POLA1: variants seen among roughly 807,000 people sequenced by gnomAD.
The protein encoded by POLA1 is DNA polymerase alpha catalytic subunit.
In POLA1, 15 loss-of-function variants were observed where a neutral mutation model predicts 124.0. That is an observed-to-expected ratio of 0.12 (90% CI 0.08 to 0.19). POLA1 has a LOEUF of 0.19. Ranked by LOEUF, POLA1 falls within the 10% of genes least tolerant of loss-of-function variation. The pLI is 1.00. For missense variants in POLA1, 886 were observed against 1,103.4 expected, an observed-to-expected ratio of 0.80 and a Z score of 2.79; for synonymous variants, 408 against 389.4, an observed-to-expected ratio of 1.05 and a Z score of -0.56.
intron 34 of POLA1, among the ~76,000 whole-genome samples, chrX:24,880,559 A>T (rs951146044): frequency 8.9e-6 from 1 of 112,144 alleles, no homozygotes; most frequent in Non-Finnish European, 1.9e-5. Context: ...GCAAAATTAT[A>T]TTCCTGTTAA....
intron 35 of POLA1, among the ~76,000 whole-genome samples, chrX:24,917,103 C>G (rs1248170396): frequency 1.8e-5 from 2 of 111,098 alleles, no homozygotes; most frequent in African/African-American, 6.5e-5. Flanking sequence ...ACCAGCCTGG[C>G]CAACATGGTG....
chrX:24,925,512 A>G (rs887042539), intron 35 of POLA1, among the ~76,000 whole-genome samples: 1 of 111,928 alleles, frequency 8.9e-6, no homozygotes, highest in African/African-American at 3.2e-5. Flanking sequence ...TTCCCATGCA[A>G]ATATCTTAGA....
chrX:24,776,274 T>C (rs187538511), intron 26 of POLA1, among the ~76,000 whole-genome samples: 1 of 112,210 alleles, frequency 8.9e-6, no homozygotes, highest in African/African-American at 3.2e-5. Context: ...ATGTAATGCA[T>C]GGTGAAGGAA....
chrX:24,975,116 A>G (rs1047637190), intron 36 of POLA1, among the ~76,000 whole-genome samples: 1 of 111,996 alleles, frequency 8.9e-6, no homozygotes, highest in African/African-American at 3.3e-5. Context: ...GGTTCAAGCA[A>G]TTCTTCTGCC....
chrX:24,827,620 C>G (rs1199326963), intron 32 of POLA1, among the ~76,000 whole-genome samples: 1 of 112,356 alleles, frequency 8.9e-6, no homozygotes, highest in Non-Finnish European at 1.9e-5. Context: ...TAGCTTTAGC[C>G]ATGGGCTTTG....
chrX:24,994,891 T>C (rs1009831874), intron 36 of POLA1, among the ~76,000 whole-genome samples: 2 of 110,570 alleles, frequency 1.8e-5, no homozygotes, highest in East Asian at 5.7e-4. Context: ...ACTGCTCCTT[T>C]AAAAGAACAA....
chrX:24,930,392 T>G, intron 35 of POLA1, 61 bp from the exon 36 acceptor site: 1 of 736,400 alleles, frequency 1.4e-6, no homozygotes. Context: ...CTGCTGAGAG[T>G]GATCCCCATC....
chrX:24,799,136 G>A (rs1379263595), intron 26 of POLA1, among the ~76,000 whole-genome samples: 3 of 112,130 alleles, frequency 2.7e-5, no homozygotes, highest in East Asian at 2.8e-4. Context: ...ATTCTCCCTC[G>A]TCTCACTTCA....
intron 32 of POLA1, among the ~76,000 whole-genome samples, chrX:24,833,665 C>CT (rs754368229): frequency 1.8e-5 from 2 of 112,180 alleles, no homozygotes; most frequent in Non-Finnish European, 3.8e-5. Flanking sequence ...TCCCCAGCAT[C>CT]TACCAACATA....
chrX:24,837,403 A>G (rs888170082), intron 32 of POLA1, among the ~76,000 whole-genome samples: 1 of 111,625 alleles, frequency 9.0e-6, no homozygotes, highest in Non-Finnish European at 1.9e-5. Flanking sequence ...TTTGAGATTC[A>G]TCTGTCTTGT....
intron 26 of POLA1, among the ~76,000 whole-genome samples, chrX:24,776,048 C>T (rs1816728911): frequency 1.8e-5 from 2 of 111,884 alleles, no homozygotes; most frequent in Admixed American, 1.9e-4. Context: ...AGTACTGAAT[C>T]ATTATGTAAG....
intron 36 of POLA1, among the ~76,000 whole-genome samples, chrX:24,949,741 T>TG (rs1200292480): frequency 2.9e-5 from 3 of 103,490 alleles, no homozygotes; most frequent in African/African-American, 1.0e-4. Flanking sequence ...TTTTTTTTTC[T>TG]TTTTTTTTTT....
intron 35 of POLA1, 104 bp downstream of exon 35, chrX:24,888,226 C>A: frequency 2.1e-6 from 1 of 475,399 alleles, no homozygotes; most frequent in East Asian, 3.5e-5. Context: ...GCCCTACTAC[C>A]ATATGCATAT....
chrX:24,771,086 G>A (rs753499432), intron 26 of POLA1, among the ~76,000 whole-genome samples: 1 of 111,405 alleles, frequency 9.0e-6, no homozygotes, highest in African/African-American at 3.3e-5. Context: ...AATGCTGAAG[G>A]TTCTTGTGAT....
In POLA1 at chrX:24,717,207, G is replaced by A. The variant is rs766242359; in HGVS notation, c.707-83G>A. The A allele has an allele frequency of 1.4e-5, 11 of 785,246 alleles. No individual in the cohort carries two copies. In the East Asian group the frequency reaches 2.9e-4, roughly 21 times the overall value. 64.7% of individuals were successfully genotyped at this position (785,246 alleles called of 1,213,427 possible). ...AGGCTGCTATTTTAGTGTTGGATAA[G>A]CCTTTGTGCGCCTTTGTGTGCCTTT... On this transcript the variant is annotated intron_variant, in intron 8 of 36. Transcript: ENST00000379068.
chrX:24,723,340 C>T, intron 11 of POLA1, 73 bp downstream of exon 11: 1 of 639,591 alleles, frequency 1.6e-6, no homozygotes, highest in Non-Finnish European at 2.6e-6. Context: ...GCAGCCAGCT[C>T]TCTCTCTTTC....
At chrX:24,897,927 A>C (rs1047917528) in intron 35 of POLA1, among the ~76,000 whole-genome samples, 2 of 112,229 alleles carry the variant, frequency 1.8e-5, no homozygotes, top group African/African-American at 6.5e-5. Flanking sequence ...TTCTGGCTTC[A>C]CAGCTTTATT....
At chrX:24,851,867 A>T (rs1172830194) in intron 34 of POLA1, among the ~76,000 whole-genome samples, 4 of 112,716 alleles carry the variant, frequency 3.5e-5, no homozygotes, top group African/African-American at 9.7e-5. Flanking sequence ...ACCAGAACAG[A>T]TTTCATTTAA....
intron 4 of POLA1, 151 bp from the exon 5 acceptor site, chrX:24,714,403 G>A (rs1255251764): frequency 9.8e-6 from 4 of 408,237 alleles, no homozygotes; most frequent in Non-Finnish European, 1.7e-5. Flanking sequence ...TGATCCTCCC[G>A]CCTTGGCCTC....
Sources: gnomAD v4.1 joint callset for allele counts (sites outside exome capture counted in the v4.1 genomes callset) on GRCh38, gnomAD v4.1.1 for gene constraint, MANE v1.5 for transcripts, NCBI Gene and HGNC (gene_info 2026-07-23, HGNC 2026-07-21) for gene names.